Variants in TSPAN32 observed in about 807,000 individuals in gnomAD.
TSPAN32 encodes the protein tetraspanin-32.
In TSPAN32, 47 loss-of-function variants were observed where a neutral mutation model predicts 42.7. That is an observed-to-expected ratio of 1.10 (90% CI 0.87 to 1.40). TSPAN32 has a LOEUF of 1.40. TSPAN32 is among the 40% of genes most tolerant of loss of function. The probability of loss-of-function intolerance (pLI) is 0.00; values close to 1 mark genes in which losing one functional copy is unlikely to be tolerated. For missense variants in TSPAN32, 469 were observed against 424.1 expected, an observed-to-expected ratio of 1.11 and a Z score of -0.93; for synonymous variants, 175 against 175.9, an observed-to-expected ratio of 0.99 and a Z score of 0.04.
intron 2 of TSPAN32, 73 bp downstream of exon 2, chr11:2,303,031 G>A (rs1847856734): frequency 7.3e-7 from 1 of 1,374,842 alleles, no homozygotes; most frequent in Non-Finnish European, 1.0e-6. Flanking sequence ...AGCCCAGCTG[G>A]ACGCCTCACA....
chr11:2,310,339 G>A (rs1475619628), intron 4 of TSPAN32, among the ~76,000 whole-genome samples: 1 of 152,214 alleles, frequency 6.6e-6, no homozygotes, highest in African/African-American at 2.4e-5. Flanking sequence ...GGAAGGGAAG[G>A]GGGTGCAAGA....
At chr11:2,306,547 G>GAGAGAGAA (rs200954652) in intron 3 of TSPAN32, among the ~76,000 whole-genome samples, 12 of 150,004 alleles carry the variant, frequency 8.0e-5, no homozygotes, top group East Asian at 8.0e-4. Flanking sequence ...GGTGGGGGGA[G>GAGAGAGAA]AGAGAGAAAG....
At chr11:2,315,182 T>TCCCTGCTCCCCTCCCCGCTCCCCTC in intron 6 of TSPAN32, 1 of 295,398 alleles carries the variant, frequency 3.4e-6, no homozygotes, top group Non-Finnish European at 5.4e-6. Context: ...CCCTGCCCCC[T>TCCCTGCTCCCCTCCCCGCTCCCCTC]CCCTGCTCCC....
intron 3 of TSPAN32, among the ~76,000 whole-genome samples, chr11:2,307,707 C>A (rs1036935303): frequency 1.3e-5 from 2 of 152,246 alleles, no homozygotes; most frequent in South Asian, 4.1e-4. Context: ...GAGAGAACAA[C>A]GGGCAAGTGC....
At chr11:2,306,140 G>T (rs1848073796) in intron 3 of TSPAN32, among the ~76,000 whole-genome samples, 1 of 151,784 alleles carries the variant, frequency 6.6e-6, no homozygotes, top group South Asian at 2.1e-4. Flanking sequence ...GTTGCATCTG[G>T]CACATCTGTA....
rs1399253849 is a variant in TSPAN32 at position 2,313,413 on chromosome 11, G to A, written c.355-241G>A. ...CTTTATCCTGCGGGACCCTCTGGGGGCAGGAGGGCCACTCTGACGGCCATT... is the reference window on the plus strand; with the variant it reads ...CTTTATCCTGCGGGACCCTCTGGGGACAGGAGGGCCACTCTGACGGCCATT... On this transcript the variant is annotated intron_variant, in intron 4 of 9. Coordinates refer to ENST00000182290, the MANE Select transcript of TSPAN32 (RefSeq NM_139022.3). This position sits in a 1 kb window ranked among gnomAD's most constrained non-coding sequence, Gnocchi z 9.1. Among the ~76,000 whole-genome samples the A allele has an allele frequency of 2.0e-5, 3 of 152,232 alleles. No homozygotes were observed. Among genetic ancestry groups the A allele is most frequent in the East Asian group, 1.9e-4 (1 of 5,198 alleles).
At position 2,302,450 on chromosome 11, in the gene TSPAN32, T is replaced by C. The variant is rs2234293; in HGVS notation, c.66+235T>C. On this transcript the variant is annotated intron_variant, in intron 1 of 9. Coordinates refer to ENST00000182290, the MANE Select transcript of TSPAN32 (RefSeq NM_139022.3). ...GGCAGCACAGAGCCTGGAGGAGGCC[T>C]GAGTGGGGCTGAGGCCTGGGGCGAG... Among the ~76,000 whole-genome samples the C allele has an allele frequency of 6.9e-3, 1,051 of 152,124 alleles. 14 individuals are homozygous for C. The highest frequency in any genetic ancestry group is 0.024 in the African/African-American group (990 of 41,506).
chr11:2,303,064 G>C (rs1847859597), intron 2 of TSPAN32, 106 bp downstream of exon 2: 1 of 1,076,056 alleles, frequency 9.3e-7, no homozygotes, highest in African/African-American at 1.6e-5. Context: ...CCAGGCCCTA[G>C]GCAGGAGCCA....
At position 2,313,934 on chromosome 11, in the gene TSPAN32, G is replaced by A. The variant is rs1848627852; in HGVS notation, c.456+179G>A. On this transcript the variant is annotated intron_variant, in intron 5 of 9. Transcript: ENST00000182290. The surrounding 1 kb of genome is among the most constrained non-coding windows in gnomAD (Gnocchi z 9.1). ...AAGCTCCCACCCTCTGTCTGCCCAG[G>A]ACAAGGCCGCCTACCAGATTCTCGA... Among the ~76,000 whole-genome samples the A allele has an allele frequency of 6.6e-6, 1 of 152,090 alleles. No individual in the cohort carries two copies. The highest frequency in any genetic ancestry group is 2.4e-5 in the African/African-American group (1 of 41,424).
Position 2,316,490 on chromosome 11 carries a change from C to G in TSPAN32, c.628-86C>G, listed in dbSNP as rs1037610787. 6.2e-6 allele frequency: 10 copies of G among 1,602,768 alleles called. No homozygotes were observed. In the African/African-American group the frequency reaches 9.4e-5, roughly 15 times the overall value. ...CCTGCCTCCTACAGCTGGGCCGCCC[C>G]CTTACACTGCAGAGTCCTGATGCTT... On this transcript the variant is annotated intron_variant, in intron 7 of 9. Coordinates refer to ENST00000182290, the MANE Select transcript of TSPAN32 (RefSeq NM_139022.3).
chr11:2,302,120 AG>A lies in TSPAN32; in HGVS notation c.-26del. Reference sequence around the variant, plus strand: ...CTGGAAACCACAGGGAGGGGAAGGGAGGGGAGGAGAGGAGAGGAGAGGAACC... The same window carrying A: ...CTGGAAACCACAGGGAGGGGAAGGGAGGGAGGAGAGGAGAGGAGAGGAACC... On this transcript the variant is annotated 5_prime_UTR_variant, in exon 1 of 10. Transcript: ENST00000182290. 6.7e-7 allele frequency: 1 copy of A among 1,481,736 alleles called. No homozygotes were observed. The highest frequency in any genetic ancestry group is 9.0e-7 in the Non-Finnish European group (1 of 1,116,508). 91.8% of individuals were successfully genotyped at this position (1,481,736 alleles called of 1,614,324 possible).
intron 6 of TSPAN32, chr11:2,315,506 G>C: frequency 8.6e-7 from 1 of 1,158,770 alleles, no homozygotes; most frequent in Non-Finnish European, 1.1e-6. Flanking sequence ...GCAGGGCCAT[G>C]GGCCCGACTG....
chr11:2,311,307 T>C (rs1414309772), intron 4 of TSPAN32, among the ~76,000 whole-genome samples: 1 of 152,096 alleles, frequency 6.6e-6, no homozygotes, highest in East Asian at 1.9e-4. Flanking sequence ...GCCACTTCCC[T>C]GGGATGCTCA....
chr11:2,315,508 G>A, intron 6 of TSPAN32: 2 of 1,157,752 alleles, frequency 1.7e-6, no homozygotes, highest in Non-Finnish European at 2.2e-6. Flanking sequence ...AGGGCCATGG[G>A]CCCGACTGCA....
In TSPAN32 at chr11:2,313,821, G is replaced by C; in HGVS notation, c.456+66G>C. 1.6e-6 allele frequency: 2 copies of C among 1,287,636 alleles called. No homozygotes were observed. Among genetic ancestry groups the C allele is most frequent in the Non-Finnish European group, 2.2e-6 (2 of 924,300 alleles). 79.8% of individuals were successfully genotyped at this position (1,287,636 alleles called of 1,614,324 possible). On this transcript the variant is annotated intron_variant, in intron 5 of 9. Transcript: ENST00000182290. The surrounding 1 kb of genome is among the most constrained non-coding windows in gnomAD (Gnocchi z 9.1). Reference sequence around the variant, plus strand: ...TGCTTGGACTGCAGTTCAGAGAACAGGCGCAGGGTGGCCAGTGAGAGGTCT... The same window carrying C: ...TGCTTGGACTGCAGTTCAGAGAACACGCGCAGGGTGGCCAGTGAGAGGTCT...
At chr11:2,303,994 C>A (rs1243467226) in intron 2 of TSPAN32, 113 bp from the exon 3 acceptor site, 17 of 772,312 alleles carry the variant, frequency 2.2e-5, no homozygotes, top group Non-Finnish European at 3.5e-5. Flanking sequence ...TTCAGAGCCC[C>A]CCAGGAGTCC....
At position 2,313,736 on chromosome 11, in the gene TSPAN32, T is replaced by C; in HGVS notation, c.437T>C (p.Leu146Pro). The C allele has an allele frequency of 6.2e-7, 1 of 1,602,376 alleles. No individual in the cohort carries two copies. The highest frequency in any genetic ancestry group is 8.5e-7 in the Non-Finnish European group (1 of 1,176,382). Residue 146 changes from leucine (L) to proline (P), a missense_variant, in exon 5 of 10, where the codon CTG becomes CCG. By Grantham distance (98) the Leu-to-Pro change is moderately conservative. Transcript: ENST00000182290. The surrounding 1 kb of genome is among the most constrained non-coding windows in gnomAD (Gnocchi z 9.1). ...ACGTCCCACGTCCGGCGGCAGGAGCTGGCGGCCATCCAGGACGTGGTGAGC... is the reference window on the plus strand; with the variant it reads ...ACGTCCCACGTCCGGCGGCAGGAGCCGGCGGCCATCCAGGACGTGGTGAGC... ...KGTSHVRRQE[L>P]AAIQDVFLCC... is the part of the protein sequence containing the mutation.
Position 2,317,435 on chromosome 11 carries a change from G to A in TSPAN32, c.811G>A (p.Gly271Ser), listed in dbSNP as rs764842683. The change falls in exon 9 of 10, where the codon GGT (glycine) becomes AGT (serine). Residue 271 changes from glycine to serine, a missense_variant. By Grantham distance (56) the Gly-to-Ser change is moderately conservative. Coordinates refer to ENST00000182290, the MANE Select transcript of TSPAN32 (RefSeq NM_139022.3). The surrounding 1 kb of genome is among the most constrained non-coding windows in gnomAD (Gnocchi z 6.2). ...TCTCCACTCCGAAGCAGTTGCTATT[G>A]GTCCAAGAGGATGCTCGGGTAGTCT... ...HCLHSEAVAI[G>S]PRGCSGSLRW... 6.9e-6 allele frequency: 11 copies of A among 1,603,698 alleles called. 1 individual carries two copies. In the South Asian group the frequency reaches 1.2e-4, roughly 18 times the overall value.
intron 3 of TSPAN32, among the ~76,000 whole-genome samples, chr11:2,305,511 A>G (rs1848029670): frequency 6.6e-6 from 1 of 152,214 alleles, no homozygotes; most frequent in Admixed American, 6.5e-5. Context: ...ACCGTCCACC[A>G]GGGGGTGCCA....
Sources: allele counts gnomAD v4.1 joint callset (sites outside exome capture counted in the v4.1 genomes callset), GRCh38; gene constraint gnomAD v4.1.1; non-coding constraint Gnocchi (gnomAD v3.1); transcripts MANE v1.5; gene names NCBI Gene and HGNC (gene_info 2026-07-23, HGNC 2026-07-21).